The following HS6ST3 variants were observed in gnomAD, a reference collection of about 807,000 sequenced individuals.
HS6ST3 encodes heparan sulfate 6-O-sulfotransferase 3.
A neutral mutation model predicts 36.7 loss-of-function variants in HS6ST3; 12 were observed. That is an observed-to-expected ratio of 0.33 (90% CI 0.21 to 0.53). The LOEUF is 0.53. Ranked by LOEUF, HS6ST3 falls within the 20% of genes least tolerant of loss-of-function variation. The probability of loss-of-function intolerance (pLI) is 0.95; values close to 1 mark genes in which losing one functional copy is unlikely to be tolerated. For synonymous variants in HS6ST3, 240 were observed against 257.5 expected, an observed-to-expected ratio of 0.93 and a Z score of 0.65; for missense variants, 584 against 640.9, an observed-to-expected ratio of 0.91 and a Z score of 0.96.
At chr13:96,761,776 GT>G (rs1566447250) in intron 1 of HS6ST3, among the ~76,000 whole-genome samples, 1 of 152,020 alleles carries the variant, frequency 6.6e-6, no homozygotes, top group Non-Finnish European at 1.5e-5. Flanking sequence ...CAAATTGCTT[GT>G]TTTTACGCAG....
chr13:96,323,833 A>G (rs1355982047), intron 1 of HS6ST3, among the ~76,000 whole-genome samples: 1 of 152,060 alleles, frequency 6.6e-6, no homozygotes. Context: ...TCTTCCCACC[A>G]CCAGCAGAAT....
At chr13:96,788,187 C>T (rs923884145) in intron 1 of HS6ST3, among the ~76,000 whole-genome samples, 1 of 151,794 alleles carries the variant, frequency 6.6e-6, no homozygotes, top group Non-Finnish European at 1.5e-5. Context: ...AGTCCTCCAA[C>T]ATACATCTCT....
chr13:96,522,018 T>G (rs962615489), intron 1 of HS6ST3, among the ~76,000 whole-genome samples: 6 of 152,210 alleles, frequency 3.9e-5, no homozygotes, highest in Non-Finnish European at 7.3e-5. Context: ...ACACACTGCT[T>G]TAAATGTGTC....
intron 1 of HS6ST3, among the ~76,000 whole-genome samples, chr13:96,409,062 T>A (rs2057575): frequency 0.88 from 133,447 of 152,278 alleles, 58,759 homozygotes; most frequent in South Asian, 0.94. Flanking sequence ...CTGAGTAAAC[T>A]GTAATAACCT....
At chr13:96,141,577 C>T (rs2054032225) in intron 1 of HS6ST3, among the ~76,000 whole-genome samples, 1 of 152,106 alleles carries the variant, frequency 6.6e-6, no homozygotes, top group Non-Finnish European at 1.5e-5. Flanking sequence ...ATCCGCCTGC[C>T]TCAGCCTCCC....
chr13:96,772,763 A>G (rs1364369838), intron 1 of HS6ST3, among the ~76,000 whole-genome samples: 1 of 152,220 alleles, frequency 6.6e-6, no homozygotes, highest in East Asian at 1.9e-4. Context: ...ATTGGCCAAA[A>G]CATGGTCCTT....
chr13:96,796,258 C>A (rs1272762662), intron 1 of HS6ST3, among the ~76,000 whole-genome samples: 1 of 152,008 alleles, frequency 6.6e-6, no homozygotes, highest in Non-Finnish European at 1.5e-5. Context: ...ACATTTCAAG[C>A]CTCATCATAT....
intron 1 of HS6ST3, among the ~76,000 whole-genome samples, chr13:96,236,600 T>C (rs1319694324): frequency 6.6e-6 from 1 of 152,206 alleles, no homozygotes; most frequent in East Asian, 1.9e-4. Context: ...AGAAAAACTC[T>C]GACGCCATGA....
intron 1 of HS6ST3, among the ~76,000 whole-genome samples, chr13:96,666,308 G>A (rs2056664124): frequency 6.6e-6 from 1 of 152,098 alleles, no homozygotes. Context: ...GGGGATTATA[G>A]GGACTACAAT....
At chr13:96,576,693 G>C (rs1236902575) in intron 1 of HS6ST3, among the ~76,000 whole-genome samples, 1 of 151,978 alleles carries the variant, frequency 6.6e-6, no homozygotes, top group Non-Finnish European at 1.5e-5. Flanking sequence ...TGTAATCCCA[G>C]CACTTTGGGA....
In HS6ST3 at chr13:96,650,834, A is replaced by G. The variant is rs997079879; in HGVS notation, c.708-181656A>G. On this transcript the variant is annotated intron_variant, in intron 1 of 1. Transcript: ENST00000376705. Reference sequence around the variant, plus strand: ...TAAGTCTAGTAAAACTATATAATACAAGTAGATAGTTCATACTGCCTTCCA... The same window carrying G: ...TAAGTCTAGTAAAACTATATAATACGAGTAGATAGTTCATACTGCCTTCCA... 4.6e-5 allele frequency among the ~76,000 whole-genome samples: 7 copies of G among 151,994 alleles called. No individual in the cohort carries two copies. In the East Asian group the frequency reaches 1.4e-3, roughly 29 times the overall value.
Position 96,833,185 on chromosome 13 carries a change from T to C in HS6ST3, c.1403T>C (p.Val468Ala). The part of the protein sequence containing the change: ...GTVTEDYNSQ[V>A]VRW ...GTCACCGAGGACTACAACAGCCAGG[T>C]GGTGAGATGGTGACCTCCTGCCCTC... Residue 468 changes from valine (V) to alanine (A), a missense_variant, in exon 2 of 2, where the codon GTG (valine) becomes GCG (alanine). Transcript: ENST00000376705. The C allele has an allele frequency of 1.3e-6, 2 of 1,559,400 alleles. No homozygotes were observed. The highest frequency in any genetic ancestry group is 1.7e-6 in the Non-Finnish European group (2 of 1,160,698).
At chr13:96,455,280 C>T (rs2055749544) in intron 1 of HS6ST3, among the ~76,000 whole-genome samples, 1 of 152,184 alleles carries the variant, frequency 6.6e-6, no homozygotes, top group East Asian at 1.9e-4. Context: ...GGCTGGAGTG[C>T]AGTGGTATGA....
At chr13:96,202,005 A>G (rs1027949831) in intron 1 of HS6ST3, among the ~76,000 whole-genome samples, 1 of 152,234 alleles carries the variant, frequency 6.6e-6, no homozygotes, top group African/African-American at 2.4e-5. Context: ...TCAAAATTAA[A>G]ATTGTGATGA....
At chr13:96,221,102 C>T (rs1038260786) in intron 1 of HS6ST3, among the ~76,000 whole-genome samples, 5 of 152,116 alleles carry the variant, frequency 3.3e-5, no homozygotes, top group Non-Finnish European at 7.3e-5. Flanking sequence ...CCTCCCTCCA[C>T]CATAAAAACG....
At position 96,583,204 on chromosome 13, in the gene HS6ST3, C is replaced by CTTTTTTTTTTTTTTTTTTTT. The variant is rs71292889; in HGVS notation, c.708-249278_708-249259dup. Among the ~76,000 whole-genome samples, 86 of 52,930 alleles carry CTTTTTTTTTTTTTTTTTTTT rather than the reference C, an allele frequency of 1.6e-3. 27 individuals carry two copies. The highest frequency in any genetic ancestry group is 2.2e-3 in the African/African-American group (27 of 12,426). 34.7% of individuals were successfully genotyped at this position (52,930 alleles called of 152,430 possible). On this transcript the variant is annotated intron_variant, in intron 1 of 1. Coordinates refer to ENST00000376705, the MANE Select transcript of HS6ST3 (RefSeq NM_153456.4). ...AATGGCTTCAATTTCTTTTTCTTTTCTTTTTTTTTTTTTTTTTTTTTTTTT... is the reference window on the plus strand; with the variant it reads ...AATGGCTTCAATTTCTTTTTCTTTTCTTTTTTTTTTTTTTTTTTTTTTTTTTTTTTTTTTTTTTTTTTTTT...
chr13:96,095,987 G>A (rs1216991592), intron 1 of HS6ST3, among the ~76,000 whole-genome samples: 1 of 151,524 alleles, frequency 6.6e-6, no homozygotes, highest in Non-Finnish European at 1.5e-5. Context: ...TGTGTCAATT[G>A]TAGGTGCAAA....
intron 1 of HS6ST3, among the ~76,000 whole-genome samples, chr13:96,390,864 T>G (rs1164926172): frequency 6.6e-6 from 1 of 152,208 alleles, no homozygotes; most frequent in Non-Finnish European, 1.5e-5. Context: ...CAGTTCAGGT[T>G]TCTTTACATC....
At chr13:96,361,167 T>C (rs2055236723) in intron 1 of HS6ST3, among the ~76,000 whole-genome samples, 1 of 152,184 alleles carries the variant, frequency 6.6e-6, no homozygotes, top group African/African-American at 2.4e-5. Context: ...TAAGTATGAT[T>C]TGTTATACCT....
Sources: allele counts gnomAD v4.1 joint callset (sites outside exome capture counted in the v4.1 genomes callset), GRCh38; gene constraint gnomAD v4.1.1; transcripts MANE v1.5; gene names NCBI Gene and HGNC (gene_info 2026-07-23, HGNC 2026-07-21).